Variants in ASIC2 observed in about 807,000 individuals in gnomAD.
The protein encoded by ASIC2 is acid-sensing ion channel 2.
A neutral mutation model predicts 57.3 loss-of-function variants in ASIC2; 25 were observed. That is an observed-to-expected ratio of 0.44 (90% CI 0.32 to 0.61). ASIC2 has a LOEUF of 0.61. ASIC2 is among the 20% of genes least tolerant of loss of function. ASIC2 has a pLI of 0.06. For synonymous variants in ASIC2, 319 were observed against 307.5 expected (o/e 1.04, Z -0.39); for missense variants, 641 against 738.1 (o/e 0.87, Z 1.52).
intron 1 of ASIC2, among the ~76,000 whole-genome samples, chr17:33,846,441 C>A (rs1194122369): frequency 6.6e-6 from 1 of 152,138 alleles, no homozygotes; most frequent in African/African-American, 2.4e-5. Context: ...CTCTGATTGC[C>A]AAGCCCTTCA....
At chr17:33,712,619 C>A (rs1217436950) in intron 1 of ASIC2, among the ~76,000 whole-genome samples, 2 of 146,412 alleles carry the variant, frequency 1.4e-5, no homozygotes, top group Non-Finnish European at 3.0e-5. Context: ...GCTTTGCTTC[C>A]AAGCTTACTC....
chr17:34,077,046 C>T (rs926634593), intron 1 of ASIC2, among the ~76,000 whole-genome samples: 1 of 152,188 alleles, frequency 6.6e-6, no homozygotes, highest in African/African-American at 2.4e-5. Context: ...AGGAGGTGAA[C>T]CCCAGAGAAG....
rs139598307 is a variant in ASIC2 at position 33,111,936 on chromosome 17, C to A, written c.840G>T (p.Leu280=). Residue 280 remains leucine, a synonymous_variant, in exon 2 of 10, where the codon CTG becomes CTT. Coordinates refer to ENST00000225823, the MANE Select transcript of ASIC2 (RefSeq NM_183377.2). The stretch of plus-strand genomic sequence containing the variant: ...GCTCACCTGTCTCTCCCCAGATGGG[C>A]AGGTACTCATCCTGCTGAATGTCCA... ...IMLDIQQDEY[L]PIWGETEETT... 2.0e-5 allele frequency: 33 copies of A among 1,613,170 alleles called. No individual in the cohort carries two copies. The African/African-American group carries it at 4.3e-4, about 21-fold the overall frequency.
At chr17:33,574,867 C>G (rs1329163775) in intron 1 of ASIC2, among the ~76,000 whole-genome samples, 1 of 114,596 alleles carries the variant, frequency 8.7e-6, no homozygotes, top group Non-Finnish European at 1.8e-5. Context: ...TTTTTTTTTG[C>G]TGCAGATCTA....
intron 1 of ASIC2, among the ~76,000 whole-genome samples, chr17:33,212,278 A>G (rs1907305800): frequency 6.6e-6 from 1 of 152,192 alleles, no homozygotes; most frequent in Non-Finnish European, 1.5e-5. Context: ...GGTGATCTCA[A>G]TGTAGTCCTG....
chr17:33,181,475 G>T (rs1200632755), intron 1 of ASIC2, among the ~76,000 whole-genome samples: 1 of 152,246 alleles, frequency 6.6e-6, no homozygotes, highest in South Asian at 2.1e-4. Flanking sequence ...GTCAGAAATT[G>T]GGGTGTCAGC....
At chr17:33,654,485 A>T (rs1907018759) in intron 1 of ASIC2, among the ~76,000 whole-genome samples, 1 of 152,350 alleles carries the variant, frequency 6.6e-6, no homozygotes, top group African/African-American at 2.4e-5. Context: ...AATCTCAAGG[A>T]GTGACACACT....
At chr17:33,917,234 TC>T (rs1464002966) in intron 1 of ASIC2, among the ~76,000 whole-genome samples, 1 of 152,150 alleles carries the variant, frequency 6.6e-6, no homozygotes, top group Admixed American at 6.5e-5. Flanking sequence ...AATTTTGCTT[TC>T]CCTACAATGT....
intron 1 of ASIC2, among the ~76,000 whole-genome samples, chr17:33,308,418 T>C (rs1006903542): frequency 7.9e-5 from 12 of 152,320 alleles, no homozygotes; most frequent in Middle Eastern, 6.8e-3. Context: ...CTCTTCTACA[T>C]CTTCTCTTGC....
chr17:33,651,235 G>A (rs180866595), intron 1 of ASIC2, among the ~76,000 whole-genome samples: 15 of 152,162 alleles, frequency 9.9e-5, no homozygotes, highest in African/African-American at 3.6e-4. Flanking sequence ...TGCCACTGTC[G>A]ATTTCCTGGT....
intron 1 of ASIC2, among the ~76,000 whole-genome samples, chr17:34,008,489 G>T (rs941811912): frequency 3.9e-5 from 6 of 152,162 alleles, no homozygotes; most frequent in African/African-American, 1.2e-4. Flanking sequence ...CAAATGACTG[G>T]TATGTAGTAG....
At chr17:34,127,609 C>G (rs1208415055) in intron 1 of ASIC2, among the ~76,000 whole-genome samples, 1 of 152,082 alleles carries the variant, frequency 6.6e-6, no homozygotes, top group Non-Finnish European at 1.5e-5. Flanking sequence ...GTGCAGGGAC[C>G]CCTCTTCTCA....
chr17:33,578,767 G>A (rs1916735277), intron 1 of ASIC2, among the ~76,000 whole-genome samples: 1 of 148,676 alleles, frequency 6.7e-6, no homozygotes, highest in African/African-American at 2.5e-5. Flanking sequence ...CCACCTGGAA[G>A]GTGCTGATTT....
At chr17:33,760,909 A>G (rs1222039737) in intron 1 of ASIC2, among the ~76,000 whole-genome samples, 1 of 152,208 alleles carries the variant, frequency 6.6e-6, no homozygotes, top group Non-Finnish European at 1.5e-5. Context: ...TGTGAAATGC[A>G]TGTATTAAAC....
Position 33,013,816 on chromosome 17 carries a change from A to G in ASIC2, c.*149T>C. The G allele has an allele frequency of 1.4e-6, 1 of 693,518 alleles. No individual in the cohort carries two copies. The highest frequency in any genetic ancestry group is 2.5e-5 in the Admixed American group (1 of 40,034). The allele number at this position is 693,518 out of a possible 1,614,324, so 43.0% of individuals were successfully genotyped here. ...CGTCGTGTTGGACGTGGCCGGAGCG[A>G]GGTCTAGGCAGCTAGTCTGCAATGT... is the stretch of plus-strand genomic sequence containing the variant. On this transcript the variant is annotated 3_prime_UTR_variant, in exon 10 of 10. Coordinates refer to ENST00000225823, the MANE Select transcript of ASIC2 (RefSeq NM_183377.2).
At chr17:33,896,431 C>T (rs988826485) in intron 1 of ASIC2, among the ~76,000 whole-genome samples, 3 of 152,204 alleles carry the variant, frequency 2.0e-5, no homozygotes, top group Admixed American at 6.5e-5. Flanking sequence ...TCTGATTTTG[C>T]ATATGCAGAG....
At chr17:33,621,896 T>G (rs57033172) in intron 1 of ASIC2, among the ~76,000 whole-genome samples, 1,950 of 152,222 alleles carry the variant, frequency 0.013, 28 homozygotes, top group Middle Eastern at 0.041. Context: ...TTGAATCTGT[T>G]AAGTTGGGAT....
chr17:33,583,632 C>T (rs956846100), intron 1 of ASIC2, among the ~76,000 whole-genome samples: 3 of 152,090 alleles, frequency 2.0e-5, no homozygotes, highest in Non-Finnish European at 2.9e-5. Flanking sequence ...TGTTTTGCAT[C>T]GGTGTTTAGG....
intron 1 of ASIC2, among the ~76,000 whole-genome samples, chr17:33,756,574 A>G (rs1910610409): frequency 1.3e-5 from 2 of 152,254 alleles, no homozygotes. Context: ...CACAAGAGCC[A>G]GGGCTTACCT....
Sources: allele counts gnomAD v4.1 joint callset (sites outside exome capture counted in the v4.1 genomes callset), GRCh38; gene constraint gnomAD v4.1.1; transcripts MANE v1.5; gene names NCBI Gene and HGNC (gene_info 2026-07-23, HGNC 2026-07-21).